TP53I11: variants seen among roughly 807,000 people sequenced by gnomAD.
The protein encoded by TP53I11 is tumor protein p53-inducible protein 11.
TP53I11 carries 9 observed loss-of-function variants against 23.3 expected under a neutral mutation model. That is an observed-to-expected ratio of 0.39 (90% CI 0.23 to 0.67). The LOEUF (loss-of-function observed/expected upper bound fraction) is 0.67, where lower values mean the gene tolerates loss of function less well. Ranked by LOEUF, TP53I11 falls within the 30% of genes least tolerant of loss-of-function variation. The probability of loss-of-function intolerance (pLI) is 0.48; values close to 1 mark genes in which losing one functional copy is unlikely to be tolerated. For synonymous variants in TP53I11, 100 were observed against 106.1 expected (o/e 0.94, Z 0.35); for missense variants, 170 against 255.2 (o/e 0.67, Z 2.27).
At chr11:44,941,710 G>A (rs1861773045) in intron 1 of TP53I11, among the ~76,000 whole-genome samples, 1 of 152,092 alleles carries the variant, frequency 6.6e-6, no homozygotes, top group Non-Finnish European at 1.5e-5. Context: ...CCTCCCATGT[G>A]GCAGTGGCAC....
In TP53I11 at chr11:44,936,784, C is replaced by A; in HGVS notation, c.334+19G>T. 6.5e-7 allele frequency: 1 copy of A among 1,535,070 alleles called. No individual in the cohort carries two copies. The highest frequency in any genetic ancestry group is 8.7e-7 in the Non-Finnish European group (1 of 1,144,636). On this transcript the variant is annotated intron_variant, in intron 5 of 6. Transcript: ENST00000525680. This position sits in a 1 kb window ranked among gnomAD's most constrained non-coding sequence, Gnocchi z 4.4. ...AGCTGCCCGTCGCCTCCCCCAGGGC[C>A]CGCCCCAGCAGTACTCACTGAGGAG...
At chr11:44,939,572 G>A (rs1388962493) in intron 1 of TP53I11, among the ~76,000 whole-genome samples, 2 of 152,236 alleles carry the variant, frequency 1.3e-5, no homozygotes, top group Non-Finnish European at 2.9e-5. Context: ...GAGGCAGAGT[G>A]CGGGGATGTC....
Position 44,934,867 on chromosome 11 carries a change from C to A in TP53I11, c.*17G>T. The stretch of plus-strand genomic sequence containing the variant: ...CTCTGGCCCAGGCATGGGCAGGGCC[C>A]CAGGCCCAGCGGGCAACTAGGCCTT... On this transcript the variant is annotated 3_prime_UTR_variant, in exon 7 of 7. Transcript: ENST00000525680. 1.9e-6 allele frequency: 3 copies of A among 1,613,782 alleles called. No individual in the cohort carries two copies. Among genetic ancestry groups the A allele is most frequent in the Non-Finnish European group, 1.7e-6 (2 of 1,179,860 alleles).
chr11:44,946,084 C>G (rs1350143047), intron 1 of TP53I11, among the ~76,000 whole-genome samples: 1 of 152,198 alleles, frequency 6.6e-6, no homozygotes, highest in East Asian at 1.9e-4. Flanking sequence ...TTTGAAGGAG[C>G]CTCCCTTCCT....
intron 1 of TP53I11, chr11:44,950,009 C>T (rs995085601): frequency 2.6e-5 from 4 of 152,462 alleles, no homozygotes; most frequent in South Asian, 2.1e-4. Flanking sequence ...GCCGGTGTCC[C>T]CCGGCGGTGA....
chr11:44,934,697 T>G lies in TP53I11; in HGVS notation c.*187A>C. 1 of 752,178 alleles carries G rather than the reference T, an allele frequency of 1.3e-6. No homozygotes were observed. The highest frequency in any genetic ancestry group is 1.9e-5 in the South Asian group (1 of 53,256). The allele number at this position is 752,178 out of a possible 1,614,324, so 46.6% of individuals were successfully genotyped here. On this transcript the variant is annotated 3_prime_UTR_variant, in exon 7 of 7. Transcript: ENST00000525680. ...TCTCCCCAGACCAGCATGTCAAGCC[T>G]GAAAGCCCAGGAGATCACAGCACAC...
intron 1 of TP53I11, among the ~76,000 whole-genome samples, chr11:44,941,818 A>G (rs543371283): frequency 6.6e-6 from 1 of 152,122 alleles, no homozygotes; most frequent in South Asian, 2.1e-4. Context: ...GTCCCCGGGC[A>G]CAAGGCTGGC....
In TP53I11 at chr11:44,934,476, G is replaced by C. The variant is rs1330825526; in HGVS notation, c.*408C>G. The C allele has an allele frequency of 1.1e-5, 2 of 179,584 alleles. No individual in the cohort carries two copies. Among genetic ancestry groups the C allele is most frequent in the African/African-American group, 4.7e-5 (2 of 42,626 alleles). 11.1% of individuals were successfully genotyped at this position (179,584 alleles called of 1,614,324 possible). On this transcript the variant is annotated 3_prime_UTR_variant, in exon 7 of 7. Transcript: ENST00000525680. ...TGGCTGGGAGTGTAGGGAGAAGGAT[G>C]GGGGGTGGTCACAGCCTCTCTCAAA...
At chr11:44,945,829 G>T (rs1343199466) in intron 1 of TP53I11, among the ~76,000 whole-genome samples, 1 of 152,158 alleles carries the variant, frequency 6.6e-6, no homozygotes, top group Non-Finnish European at 1.5e-5. Flanking sequence ...CTGGAGGGCG[G>T]GACGGAATAG....
chr11:44,940,576 G>GT (rs1861649412), intron 1 of TP53I11: 2 of 152,218 alleles, frequency 1.3e-5, no homozygotes, highest in African/African-American at 4.8e-5. Context: ...GTCACTGTGT[G>GT]TATCAAGAGT....
chr11:44,942,322 C>A (rs544869142), intron 1 of TP53I11, among the ~76,000 whole-genome samples: 2 of 147,272 alleles, frequency 1.4e-5, no homozygotes, highest in Non-Finnish European at 3.0e-5. Context: ...CCACACATTA[C>A]ACACCATAGA....
intron 1 of TP53I11, among the ~76,000 whole-genome samples, chr11:44,941,887 AG>A (rs1861788871): frequency 6.6e-6 from 1 of 152,126 alleles, no homozygotes; most frequent in African/African-American, 2.4e-5. Flanking sequence ...GAGGGGCAGA[AG>A]CTTCCAGGCA....
chr11:44,934,852 G>C lies in TP53I11; in HGVS notation c.*32C>G. ...GAGGCCCCAGCGCCACTCTGGCCCAGGCATGGGCAGGGCCCCAGGCCCAGC... is the reference window on the plus strand; with the variant it reads ...GAGGCCCCAGCGCCACTCTGGCCCACGCATGGGCAGGGCCCCAGGCCCAGC... On this transcript the variant is annotated 3_prime_UTR_variant, in exon 7 of 7. Transcript: ENST00000525680. The C allele has an allele frequency of 6.2e-7, 1 of 1,613,268 alleles. No individual in the cohort carries two copies. The highest frequency in any genetic ancestry group is 1.1e-5 in the South Asian group (1 of 91,076).
chr11:44,951,078 G>A (rs548690755), upstream of TP53I11: 4 of 152,142 alleles, frequency 2.6e-5, no homozygotes, highest in Non-Finnish European at 4.4e-5. Flanking sequence ...ACGCGCGCCC[G>A]AGAGAAGGCG....
chr11:44,937,703 G>A (rs1292069740), intron 2 of TP53I11, 90 bp from the exon 3 acceptor site: 1 of 1,406,404 alleles, frequency 7.1e-7, no homozygotes, highest in Non-Finnish European at 9.9e-7. Context: ...GCACACCCAG[G>A]GACCAGCCTG....
intron 2 of TP53I11, 86 bp downstream of exon 2, chr11:44,938,121 C>T (rs1275682816): frequency 6.8e-7 from 1 of 1,467,938 alleles, no homozygotes. Context: ...CCTGCGGCTA[C>T]CTGGGCCTGG....
chr11:44,938,678 C>T (rs558329242), intron 1 of TP53I11, among the ~76,000 whole-genome samples: 62 of 152,250 alleles, frequency 4.1e-4, no homozygotes, highest in South Asian at 4.1e-4. Flanking sequence ...GTCTGGATGG[C>T]GGCCACATCC....
intron 1 of TP53I11, chr11:44,943,157 A>G (rs932077534): frequency 2.6e-5 from 4 of 152,208 alleles, no homozygotes; most frequent in African/African-American, 7.2e-5. Context: ...CTCACCTCGC[A>G]GACGTGCTGG....
chr11:44,938,340 T>C lies in TP53I11; in HGVS notation c.-5A>G. ...CGGGGGCTGCTTGGCCGCCATCTTCTCCTCCAGCCCGGCCTCTGCAGAAGG... is the reference window on the plus strand; with the variant it reads ...CGGGGGCTGCTTGGCCGCCATCTTCCCCTCCAGCCCGGCCTCTGCAGAAGG... On this transcript the variant is annotated 5_prime_UTR_variant, in exon 2 of 7. Coordinates refer to ENST00000525680, the MANE Select transcript of TP53I11 (RefSeq NM_006034.5). 1 of 1,594,780 alleles carries C rather than the reference T, an allele frequency of 6.3e-7. No homozygotes were observed. The highest frequency in any genetic ancestry group is 1.3e-5 in the African/African-American group (1 of 74,624).
Sources: allele counts gnomAD v4.1 joint callset (sites outside exome capture counted in the v4.1 genomes callset), GRCh38; gene constraint gnomAD v4.1.1; non-coding constraint Gnocchi (gnomAD v3.1); transcripts MANE v1.5; gene names NCBI Gene and HGNC (gene_info 2026-07-23, HGNC 2026-07-21).